MYL12B: variants seen among roughly 807,000 people sequenced by gnomAD.
The protein encoded by MYL12B is myosin light chain 12B.
In MYL12B, 3 loss-of-function variants were observed where a neutral mutation model predicts 12.9. The observed-to-expected ratio is 0.23, with a 90% confidence interval of 0.11 to 0.60. The LOEUF (loss-of-function observed/expected upper bound fraction) is 0.60. MYL12B is among the 20% of genes least tolerant of loss of function. MYL12B has a pLI of 0.89. For missense variants in MYL12B, 120 were observed against 215.4 expected, an observed-to-expected ratio of 0.56 and a Z score of 2.77; for synonymous variants, 57 against 71.9, an observed-to-expected ratio of 0.79 and a Z score of 1.05.
chr18:3,272,229 A>ATG, intron 1 of MYL12B: 1 of 236,840 alleles, frequency 4.2e-6, no homozygotes. Flanking sequence ...ATTGAAGTAG[A>ATG]TATCATGTTT....
At chr18:3,270,041 A>G (rs2081665017) in intron 1 of MYL12B, among the ~76,000 whole-genome samples, 1 of 152,168 alleles carries the variant, frequency 6.6e-6, no homozygotes, top group Non-Finnish European at 1.5e-5. Context: ...GACTGATCCA[A>G]GAAGATTTAG....
At chr18:3,277,027 G>A (rs1056820564) in intron 2 of MYL12B, 7 of 977,818 alleles carry the variant, frequency 7.2e-6, no homozygotes, top group South Asian at 4.7e-5. Context: ...TCACATAAAC[G>A]AATAAATAAC....
chr18:3,276,643 C>CTT, intron 2 of MYL12B: 1 of 798,394 alleles, frequency 1.3e-6, no homozygotes, highest in Non-Finnish European at 1.5e-6. Context: ...AGCATATCAA[C>CTT]TTATGGGCAT....
At chr18:3,276,258 A>G (rs564740391) in intron 2 of MYL12B, 4 of 158,988 alleles carry the variant, frequency 2.5e-5, no homozygotes, top group African/African-American at 7.3e-5. Context: ...CAGTTCTGCC[A>G]CTTCCTCCTA....
intron 1 of MYL12B, among the ~76,000 whole-genome samples, chr18:3,270,018 G>T (rs2081664734): frequency 6.6e-6 from 1 of 152,218 alleles, no homozygotes; most frequent in Non-Finnish European, 1.5e-5. Flanking sequence ...GGATAAAATA[G>T]TGTGATGCAG....
chr18:3,271,456 A>G (rs1434508863), intron 1 of MYL12B, among the ~76,000 whole-genome samples: 1 of 152,200 alleles, frequency 6.6e-6, no homozygotes, highest in East Asian at 1.9e-4. Flanking sequence ...AAAAATCCCA[A>G]TACCAGAAGT....
intron 1 of MYL12B, among the ~76,000 whole-genome samples, chr18:3,264,566 G>T (rs953307847): frequency 6.6e-6 from 1 of 152,132 alleles, no homozygotes; most frequent in South Asian, 2.1e-4. Context: ...TTGCAAAGTA[G>T]CTGTGTATGG....
At position 3,265,195 on chromosome 18, in the gene MYL12B, G is replaced by A. The variant is rs1273357388; in HGVS notation, c.-16+2958G>A. Among the ~76,000 whole-genome samples the A allele has an allele frequency of 2.6e-5, 4 of 152,006 alleles. No homozygotes were observed. The East Asian group carries it at 7.7e-4, about 29-fold the overall frequency. ...TAATAATTTATGGAACTATTTTTTTGCCTAAATATGCAGCACAAAAGCAAT... is the reference window on the plus strand; with the variant it reads ...TAATAATTTATGGAACTATTTTTTTACCTAAATATGCAGCACAAAAGCAAT... On this transcript the variant is annotated intron_variant, in intron 1 of 3. Transcript: ENST00000237500.
At chr18:3,277,442 T>G in intron 3 of MYL12B, 28 bp downstream of exon 3, 1 of 1,611,612 alleles carries the variant, frequency 6.2e-7, no homozygotes, top group African/African-American at 1.3e-5. Context: ...ATGCCCAGCC[T>G]CATTCCACAC....
chr18:3,271,684 A>T (rs1487733991), intron 1 of MYL12B, among the ~76,000 whole-genome samples: 1 of 152,196 alleles, frequency 6.6e-6, no homozygotes, highest in African/African-American at 2.4e-5. Flanking sequence ...ATAGGTTTTC[A>T]GAGGTTATAT....
At chr18:3,271,432 A>G (rs1483939715) in intron 1 of MYL12B, among the ~76,000 whole-genome samples, 2 of 152,184 alleles carry the variant, frequency 1.3e-5, no homozygotes, top group Non-Finnish European at 2.9e-5. Flanking sequence ...AGAAGTAGAC[A>G]ATACATTTAT....
intron 2 of MYL12B, 140 bp from the exon 3 acceptor site, chr18:3,277,113 A>T: frequency 8.0e-7 from 1 of 1,247,880 alleles, no homozygotes; most frequent in Non-Finnish European, 1.0e-6. Context: ...TAATCTTTTT[A>T]AAATGTTCTT....
chr18:3,265,453 T>G (rs1396966007), intron 1 of MYL12B, among the ~76,000 whole-genome samples: 1 of 151,888 alleles, frequency 6.6e-6, no homozygotes, highest in African/African-American at 2.4e-5. Flanking sequence ...TGACCTTAGG[T>G]TTTAGCCCAA....
intron 1 of MYL12B, among the ~76,000 whole-genome samples, chr18:3,266,654 T>G (rs190679297): frequency 1.3e-5 from 2 of 152,338 alleles, no homozygotes; most frequent in South Asian, 2.1e-4. Context: ...CTGCAGGAAT[T>G]TCCAGGATGC....
At chr18:3,277,215 GT>G (rs1235772533) in intron 2 of MYL12B, 37 bp from the exon 3 acceptor site, 4 of 1,491,290 alleles carry the variant, frequency 2.7e-6, no homozygotes, top group Non-Finnish European at 2.7e-6. Flanking sequence ...GAAATTAAAT[GT>G]TTTTGTCTTT....
In MYL12B at chr18:3,262,705, C is replaced by G. The variant is rs976973534; in HGVS notation, c.-16+468C>G. On this transcript the variant is annotated intron_variant, in intron 1 of 3. Coordinates refer to ENST00000237500, the MANE Select transcript of MYL12B (RefSeq NM_033546.4). Reference sequence around the variant, plus strand: ...GCACCTGCCCTGTGCCCAACACTATCCTAGATGCTTTGGAGGGTGGAGGAG... The same window carrying G: ...GCACCTGCCCTGTGCCCAACACTATGCTAGATGCTTTGGAGGGTGGAGGAG... The G allele has an allele frequency of 1.4e-4, 21 of 152,444 alleles. No individual in the cohort carries two copies. In the East Asian group the frequency reaches 3.7e-3, roughly 27 times the overall value. The allele number at this position is 152,444 out of a possible 1,614,324, so 9.4% of individuals were successfully genotyped here. A position where few individuals can be genotyped will look rare whatever the true frequency, so the allele number is the denominator to read the frequency against.
intron 1 of MYL12B, among the ~76,000 whole-genome samples, chr18:3,271,273 G>A (rs974414258): frequency 3.3e-5 from 5 of 152,190 alleles, no homozygotes; most frequent in African/African-American, 1.2e-4. Flanking sequence ...AGGAAGAGAA[G>A]AAAATTAACA....
chr18:3,274,253 A>G (rs1201650278), intron 2 of MYL12B, among the ~76,000 whole-genome samples: 1 of 152,218 alleles, frequency 6.6e-6, no homozygotes, highest in Non-Finnish European at 1.5e-5. Context: ...CCATCTTCCA[A>G]AGATTGAACT....
chr18:3,273,861 TCTCTC>T (rs2081705130), intron 2 of MYL12B, among the ~76,000 whole-genome samples: 2 of 143,018 alleles, frequency 1.4e-5, no homozygotes, highest in African/African-American at 5.5e-5. Flanking sequence ...GTTTTTTTTT[TCTCTC>T]TTTTAATGCC....
Sources: allele counts gnomAD v4.1 joint callset (sites outside exome capture counted in the v4.1 genomes callset), GRCh38; gene constraint gnomAD v4.1.1; transcripts MANE v1.5; gene names NCBI Gene and HGNC (gene_info 2026-07-23, HGNC 2026-07-21).